Variants in ARL15 observed in about 807,000 individuals in gnomAD.
ARL15 encodes ARF like GTPase 15.
Under a neutral mutation model 25.2 loss-of-function variants are expected in ARL15, and 19 were observed. The observed-to-expected ratio is 0.75, with a 90% confidence interval of 0.53 to 1.10. The LOEUF is 1.10. ARL15 is among the 50% of genes least tolerant of loss of function. ARL15 has a pLI of 0.00. For missense variants in ARL15, 220 were observed against 246.0 expected (o/e 0.89, Z 0.71); for synonymous variants, 94 against 86.8 (o/e 1.08, Z -0.46).
At chr5:53,969,134 G>C (rs1398786640) in intron 4 of ARL15, among the ~76,000 whole-genome samples, 1 of 152,114 alleles carries the variant, frequency 6.6e-6, no homozygotes, top group African/African-American at 2.4e-5. Context: ...CTGGGTGACA[G>C]AGCGAGATTC....
At chr5:54,199,222 A>G (rs1414589271) in intron 1 of ARL15, among the ~76,000 whole-genome samples, 3 of 152,232 alleles carry the variant, frequency 2.0e-5, no homozygotes, top group Non-Finnish European at 4.4e-5. Context: ...AATACTATTC[A>G]GGACATAGGC....
intron 4 of ARL15, among the ~76,000 whole-genome samples, chr5:53,945,506 C>T (rs1161734252): frequency 6.6e-6 from 1 of 152,102 alleles, no homozygotes; most frequent in Non-Finnish European, 1.5e-5. Flanking sequence ...CTCAAACTAC[C>T]TCCAACTCAG....
At chr5:54,085,668 T>A (rs879692875) in intron 4 of ARL15, among the ~76,000 whole-genome samples, 5 of 152,182 alleles carry the variant, frequency 3.3e-5, no homozygotes, top group Non-Finnish European at 7.4e-5. Flanking sequence ...TATAAATTAT[T>A]GCAAAATTTA....
chr5:53,900,741 C>A (rs1482901552), intron 4 of ARL15, among the ~76,000 whole-genome samples: 2 of 152,070 alleles, frequency 1.3e-5, no homozygotes, highest in Non-Finnish European at 2.9e-5. Flanking sequence ...TACCAGTCTT[C>A]CCAATTAATC....
chr5:54,246,424 G>T (rs1757087024), intron 1 of ARL15, among the ~76,000 whole-genome samples: 1 of 152,030 alleles, frequency 6.6e-6, no homozygotes, highest in African/African-American at 2.4e-5. Context: ...ACTATGTGTT[G>T]TACAAAGCCA....
At chr5:53,909,465 G>A (rs1745382296) in intron 4 of ARL15, among the ~76,000 whole-genome samples, 2 of 152,220 alleles carry the variant, frequency 1.3e-5, no homozygotes, top group African/African-American at 4.8e-5. Context: ...CCAGCACTTA[G>A]GGAGGCCGAG....
chr5:54,069,955 G>C (rs74554941), intron 4 of ARL15, among the ~76,000 whole-genome samples: 1 of 151,126 alleles, frequency 6.6e-6, no homozygotes, highest in African/African-American at 2.4e-5. Flanking sequence ...GATTACAGGC[G>C]TGAGCCACCA....
intron 3 of ARL15, among the ~76,000 whole-genome samples, chr5:54,138,474 A>G (rs1300367926): frequency 6.6e-6 from 1 of 150,478 alleles, no homozygotes; most frequent in African/African-American, 2.5e-5. Flanking sequence ...CCAGATGTAG[A>G]AGAACAAAAC....
chr5:53,894,302 G>A (rs1013018912), intron 4 of ARL15, among the ~76,000 whole-genome samples: 1 of 152,072 alleles, frequency 6.6e-6, no homozygotes, highest in Non-Finnish European at 1.5e-5. Context: ...AGTAACCTCC[G>A]ACATGTATAG....
rs905198775 is a variant in ARL15, at chr5:53,973,572, C to G, written c.463-86859G>C. On this transcript the variant is annotated intron_variant, in intron 4 of 4. Coordinates refer to ENST00000504924, the MANE Select transcript of ARL15 (RefSeq NM_019087.3). The stretch of plus-strand genomic sequence containing the variant: ...CTGGGCAACAAGAGTGAAACTTCAT[C>G]TCAAAAAAAAAAAAAAAAAAAAGTA... Among the ~76,000 whole-genome samples, 8 of 113,272 alleles carry G rather than the reference C, an allele frequency of 7.1e-5. No individual in the cohort carries two copies. In the Admixed American group the frequency reaches 8.3e-4, roughly 12 times the overall value. 74.3% of individuals were successfully genotyped at this position (113,272 alleles called of 152,430 possible).
intron 1 of ARL15, among the ~76,000 whole-genome samples, chr5:54,290,401 G>A (rs1006827299): frequency 2.0e-5 from 3 of 151,656 alleles, no homozygotes; most frequent in Admixed American, 2.0e-4. Flanking sequence ...CCACCTCCTG[G>A]GTTCAAGCGA....
Position 54,153,307 on chromosome 5 carries a change from T to G in ARL15, c.253+1273A>C, listed in dbSNP as rs945505073. On this transcript the variant is annotated intron_variant, in intron 3 of 4. Coordinates refer to ENST00000504924, the MANE Select transcript of ARL15 (RefSeq NM_019087.3). Reference sequence around the variant, plus strand: ...TTGAATGTTCTGCCAGCTGCTTGTATTTCTTTTTTGAATTAAATTAAATTA... The same window carrying G: ...TTGAATGTTCTGCCAGCTGCTTGTAGTTCTTTTTTGAATTAAATTAAATTA... Among the ~76,000 whole-genome samples, 5 of 152,204 alleles carry G rather than the reference T, an allele frequency of 3.3e-5. 1 individual carries two copies. In the South Asian group the frequency reaches 6.2e-4, roughly 19 times the overall value.
chr5:54,004,414 A>T (rs1748950186), intron 4 of ARL15, among the ~76,000 whole-genome samples: 2 of 149,798 alleles, frequency 1.3e-5, no homozygotes, highest in Admixed American at 6.7e-5. Flanking sequence ...AATCGCTTGA[A>T]CCCGGGAGGT....
intron 4 of ARL15, among the ~76,000 whole-genome samples, chr5:54,081,001 T>G (rs1271336945): frequency 6.6e-6 from 1 of 152,256 alleles, no homozygotes; most frequent in East Asian, 1.9e-4. Context: ...TTCTTCCTCT[T>G]AAGGCCATCA....
chr5:54,036,585 G>GAA (rs140910390), intron 4 of ARL15, among the ~76,000 whole-genome samples: 1 of 148,024 alleles, frequency 6.8e-6, no homozygotes. Context: ...TCACTTGGGG[G>GAA]AAAAAAAAAA....
intron 1 of ARL15, among the ~76,000 whole-genome samples, chr5:54,260,170 A>T (rs991304156): frequency 6.6e-6 from 1 of 152,012 alleles, no homozygotes; most frequent in African/African-American, 2.4e-5. Context: ...TAATGGTGCC[A>T]CTCTGGAATG....
Position 53,885,666 on chromosome 5 carries a change from T to C in ARL15, c.*895A>G, listed in dbSNP as rs1744500994. 6.6e-6 allele frequency: 1 copy of C among 152,628 alleles called. No individual in the cohort carries two copies. The highest frequency in any genetic ancestry group is 2.4e-5 in the African/African-American group (1 of 41,468). 9.5% of individuals were successfully genotyped at this position (152,628 alleles called of 1,614,324 possible). A position where few individuals can be genotyped will look rare whatever the true frequency, so the allele number is the denominator to read the frequency against. On this transcript the variant is annotated 3_prime_UTR_variant, in exon 5 of 5. Transcript: ENST00000504924. ...AAACCCTAACCAGTATAAATTATAC[T>C]TTTTCTGGCTGTTTTTAAAATTTTT...
At chr5:54,012,503 C>T (rs911703191) in intron 4 of ARL15, among the ~76,000 whole-genome samples, 3 of 151,480 alleles carry the variant, frequency 2.0e-5, no homozygotes, top group African/African-American at 4.8e-5. Flanking sequence ...GAAAAACAAA[C>T]AACAAAAAAT....
intron 4 of ARL15, among the ~76,000 whole-genome samples, chr5:53,933,994 C>G (rs983565552): frequency 5.5e-4 from 84 of 152,120 alleles, no homozygotes; most frequent in African/African-American, 2.0e-3. Flanking sequence ...TTCTTTTACT[C>G]TAACAATTTT....
Sources: gnomAD v4.1 joint callset for allele counts (sites outside exome capture counted in the v4.1 genomes callset) on GRCh38, gnomAD v4.1.1 for gene constraint, MANE v1.5 for transcripts, NCBI Gene and HGNC (gene_info 2026-07-23, HGNC 2026-07-21) for gene names.